The following GRIN2A variants were observed in gnomAD, a reference collection of about 807,000 sequenced individuals.
GRIN2A encodes glutamate ionotropic receptor NMDA type subunit 2A, also known as glutamate receptor ionotropic, NMDA 2A.
GRIN2A carries 22 observed loss-of-function variants against 113.4 expected under a neutral mutation model. The observed-to-expected ratio is 0.19, with a 90% CI of 0.14 to 0.28. GRIN2A has a LOEUF of 0.28. Ranked by LOEUF, GRIN2A falls within the 10% of genes least tolerant of loss-of-function variation. The pLI is 1.00. For synonymous variants in GRIN2A, 827 were observed against 738.4 expected (o/e 1.12, Z -1.94); for missense variants, 1,502 against 1,887.0 (o/e 0.80, Z 3.78).
At chr16:9,973,669 G>A (rs1182803482) in intron 2 of GRIN2A, among the ~76,000 whole-genome samples, 1 of 152,004 alleles carries the variant, frequency 6.6e-6, no homozygotes, top group Non-Finnish European at 1.5e-5. Flanking sequence ...CTCAAAATTA[G>A]CAAGAGAAAA....
At chr16:10,066,372 C>G (rs1256159059) in intron 2 of GRIN2A, among the ~76,000 whole-genome samples, 1 of 152,160 alleles carries the variant, frequency 6.6e-6, no homozygotes, top group Admixed American at 6.5e-5. Context: ...TTATTTATCT[C>G]TGTCATAAAA....
At chr16:9,814,533 T>A (rs1225398932) in intron 10 of GRIN2A, among the ~76,000 whole-genome samples, 1 of 152,114 alleles carries the variant, frequency 6.6e-6, no homozygotes, top group Non-Finnish European at 1.5e-5. Flanking sequence ...CAAAGGCACT[T>A]CCAACTTAAT....
chr16:10,136,995 T>C (rs1420959266), intron 2 of GRIN2A, among the ~76,000 whole-genome samples: 1 of 152,198 alleles, frequency 6.6e-6, no homozygotes, highest in Non-Finnish European at 1.5e-5. Context: ...TAGAGACATC[T>C]GGGATATAGC....
At chr16:10,091,457 TACACACACACACACAC>T (rs35961930) in intron 2 of GRIN2A, among the ~76,000 whole-genome samples, 2 of 145,732 alleles carry the variant, frequency 1.4e-5, no homozygotes, top group Admixed American at 7.1e-5. Context: ...TGTGTGTGTA[TACACACACACACACAC>T]ACACACACAC....
intron 2 of GRIN2A, among the ~76,000 whole-genome samples, chr16:10,073,904 A>G (rs1315239223): frequency 3.3e-4 from 45 of 134,342 alleles, no homozygotes; most frequent in African/African-American, 1.3e-3. Flanking sequence ...TGTGTGACAG[A>G]GTGAGACCCC....
At chr16:9,866,117 G>A (rs2043156370) in intron 4 of GRIN2A, among the ~76,000 whole-genome samples, 1 of 152,174 alleles carries the variant, frequency 6.6e-6, no homozygotes, top group Admixed American at 6.5e-5. Flanking sequence ...ATCTGTAAAG[G>A]ATCCACTCAC....
chr16:10,117,813 T>C (rs565352531), intron 2 of GRIN2A, among the ~76,000 whole-genome samples: 6 of 152,356 alleles, frequency 3.9e-5, no homozygotes, highest in Non-Finnish European at 7.3e-5. Flanking sequence ...GTTCATTCCA[T>C]AATGACAATA....
chr16:9,764,752 A>C lies in GRIN2A; in HGVS notation c.2792T>G (p.Ile931Ser), dbSNP rs1215825826. 1 of 1,614,232 alleles carries C rather than the reference A, an allele frequency of 6.2e-7. No homozygotes were observed. The highest frequency in any genetic ancestry group is 2.2e-5 in the East Asian group (1 of 44,884). ...AADFIQRGSL[I>S]MDMVSDKGNL... ...CCCCTTATCTGAAACCATGTCCATG[A>C]TGAGGGAACCTCTTTGGATGAAGTC... The change falls in exon 13 of 13, where the codon ATC becomes AGC. Residue 931 changes from isoleucine to serine, a missense_variant. Physicochemically the swap from Ile to Ser is moderately radical, Grantham distance 142. Transcript: ENST00000330684.
At chr16:10,070,242 A>G (rs1266003554) in intron 2 of GRIN2A, among the ~76,000 whole-genome samples, 5 of 151,714 alleles carry the variant, frequency 3.3e-5, no homozygotes, top group African/African-American at 9.7e-5. Flanking sequence ...ACCTCGAAGC[A>G]CCTCCATTTA....
In GRIN2A at chr16:9,763,942, C is replaced by A. The variant is rs2141130589; in HGVS notation, c.3602G>T (p.Ser1201Ile). The change falls in exon 13 of 13, where the codon AGT becomes ATT. Residue 1201 changes from serine (S) to isoleucine (I), a missense_variant. Physicochemically the swap from Ser to Ile is moderately radical, Grantham distance 142. Around this residue, in one of 7 missense-constraint regions of GRIN2A, gnomAD observed 832 missense variants for 789.7 expected, o/e 1.05. Coordinates refer to ENST00000330684, the MANE Select transcript of GRIN2A (RefSeq NM_001134407.3). ...CTGCCGGTATCGCTCGCTGGTCTCACTGTGCGGGGAACCCTTGTCTTTCAA... is the reference window on the plus strand; with the variant it reads ...CTGCCGGTATCGCTCGCTGGTCTCAATGTGCGGGGAACCCTTGTCTTTCAA... The part of the protein sequence containing the change: ...FTLKDKGSPH[S>I]ETSERYRQNS... 6.2e-7 allele frequency: 1 copy of A among 1,614,144 alleles called. No individual in the cohort carries two copies.
intron 2 of GRIN2A, among the ~76,000 whole-genome samples, chr16:10,015,252 CAAA>C (rs200124835): frequency 1.6e-4 from 3 of 19,314 alleles, no homozygotes; most frequent in African/African-American, 4.6e-4. Flanking sequence ...GACTTCATCT[CAAA>C]AAAAAAAAAA....
Position 10,180,628 on chromosome 16 carries a change from A to T in GRIN2A, c.-18-199T>A. ...ATCTCTAACTCTATCCACAACTCCA[A>T]TTCGAGCTAATTCTCCATCCCCCAG... is the stretch of plus-strand genomic sequence containing the variant. On this transcript the variant is annotated intron_variant, in intron 1 of 12. Coordinates refer to ENST00000330684, the MANE Select transcript of GRIN2A (RefSeq NM_001134407.3). This position sits in a 1 kb window ranked among gnomAD's most constrained non-coding sequence, Gnocchi z 7.0. 1.2e-6 allele frequency: 1 copy of T among 844,696 alleles called. No individual in the cohort carries two copies. Among genetic ancestry groups the T allele is most frequent in the Non-Finnish European group, 1.8e-6 (1 of 560,138 alleles). The allele number at this position is 844,696 out of a possible 1,614,324, so 52.3% of individuals were successfully genotyped here. A position where few individuals can be genotyped will look rare whatever the true frequency, so the allele number is the denominator to read the frequency against.
intron 3 of GRIN2A, among the ~76,000 whole-genome samples, chr16:9,921,236 A>G (rs1156917359): frequency 6.6e-6 from 1 of 152,228 alleles, no homozygotes; most frequent in Non-Finnish European, 1.5e-5. Flanking sequence ...AAGGTTTTGT[A>G]GTTTATAAAA....
At chr16:10,163,497 G>A (rs781442717) in intron 2 of GRIN2A, among the ~76,000 whole-genome samples, 11 of 152,000 alleles carry the variant, frequency 7.2e-5, no homozygotes, top group Non-Finnish European at 8.8e-5. Flanking sequence ...GTGAGATCTC[G>A]CTGATATCCT....
intron 2 of GRIN2A, among the ~76,000 whole-genome samples, chr16:10,109,972 A>T (rs1309082002): frequency 6.6e-6 from 1 of 152,082 alleles, no homozygotes; most frequent in Non-Finnish European, 1.5e-5. Context: ...ACATATGTAT[A>T]CATGTGCCAT....
intron 2 of GRIN2A, among the ~76,000 whole-genome samples, chr16:10,153,728 A>G (rs1379860216): frequency 6.6e-6 from 1 of 152,090 alleles, no homozygotes; most frequent in Non-Finnish European, 1.5e-5. Context: ...GCTGGTTAGA[A>G]TTTTCCACTC....
chr16:9,936,201 T>C (rs2044711015), intron 3 of GRIN2A, among the ~76,000 whole-genome samples: 1 of 152,152 alleles, frequency 6.6e-6, no homozygotes, highest in Admixed American at 6.5e-5. Flanking sequence ...TGAAAGAAAT[T>C]GCAAATTCTC....
intron 2 of GRIN2A, chr16:10,111,470 G>A (rs7188108): frequency 4.8e-6 from 3 of 627,544 alleles, no homozygotes; most frequent in Admixed American, 4.3e-5. Context: ...GCCAACTGCC[G>A]CACCCACAAC....
At chr16:9,976,688 C>T (rs4998386) in intron 2 of GRIN2A, among the ~76,000 whole-genome samples, 16,779 of 152,156 alleles carry the variant, frequency 0.11, 1,154 homozygotes, top group African/African-American at 0.18. Flanking sequence ...AAAATGAAAG[C>T]CGGCACTCTA....
Sources: gnomAD v4.1 joint callset for allele counts (sites outside exome capture counted in the v4.1 genomes callset) on GRCh38, gnomAD v4.1.1 for gene constraint, gnomAD v4.1.1 regional missense constraint, Gnocchi (gnomAD v3.1) non-coding constraint, MANE v1.5 for transcripts, NCBI Gene and HGNC (gene_info 2026-07-23, HGNC 2026-07-21) for gene names.